The following MAL variants were observed in gnomAD, a reference collection of about 807,000 sequenced individuals.
The protein encoded by MAL is mal, T cell differentiation protein (MAL blood group), also known as myelin and lymphocyte protein.
A neutral mutation model predicts 16.7 loss-of-function variants in MAL; 5 were observed. The observed-to-expected ratio is 0.30, with a 90% CI of 0.16 to 0.63. The LOEUF is 0.63. Ranked by LOEUF, MAL falls within the 30% of genes least tolerant of loss-of-function variation. The pLI is 0.82. For synonymous variants in MAL, 96 were observed against 85.5 expected (o/e 1.12, Z -0.67); for missense variants, 202 against 195.8 (o/e 1.03, Z -0.19).
At chr2:95,042,944 G>A (rs1223107322) in intron 1 of MAL, among the ~76,000 whole-genome samples, 3 of 152,196 alleles carry the variant, frequency 2.0e-5, no homozygotes, top group Admixed American at 6.5e-5. Context: ...AGGTGGAGCA[G>A]GGCAGGAACC....
intron 1 of MAL, among the ~76,000 whole-genome samples, chr2:95,028,166 A>AAC (rs1002916443): frequency 2.7e-5 from 4 of 149,882 alleles, no homozygotes; most frequent in African/African-American, 9.7e-5. Flanking sequence ...AAAAAAAAAA[A>AAC]AAAAAAAAAA....
In MAL at chr2:95,053,639, T is replaced by G; in HGVS notation, c.*184T>G. ...TGGGTGCTGTGTTTACTCTCCCGTG[T>G]GCCTTCGCGTCCGGGTTGGGAGCTT... On this transcript the variant is annotated 3_prime_UTR_variant, in exon 4 of 4. Coordinates refer to ENST00000309988, the MANE Select transcript of MAL (RefSeq NM_002371.4). 1 of 595,392 alleles carries G rather than the reference T, an allele frequency of 1.7e-6. No individual in the cohort carries two copies. Among genetic ancestry groups the G allele is most frequent in the Non-Finnish European group, 3.0e-6 (1 of 336,468 alleles). The allele number at this position is 595,392 out of a possible 1,614,324, so 36.9% of individuals were successfully genotyped here. A position where few individuals can be genotyped will look rare whatever the true frequency, so the allele number is the denominator to read the frequency against.
At chr2:95,028,282 C>T (rs1429389699) in intron 1 of MAL, among the ~76,000 whole-genome samples, 2 of 151,880 alleles carry the variant, frequency 1.3e-5, no homozygotes, top group African/African-American at 4.8e-5. Context: ...GAGATCATGC[C>T]GCTGCACTCC....
At chr2:95,039,606 GAGTGAGTGAC>G (rs1674391095) in intron 1 of MAL, among the ~76,000 whole-genome samples, 1 of 151,604 alleles carries the variant, frequency 6.6e-6, no homozygotes, top group African/African-American at 2.4e-5. Context: ...GTGACTGAGT[GAGTGAGTGAC>G]AGTGGGTGAG....
At chr2:95,042,599 C>T (rs2104351843) in intron 1 of MAL, among the ~76,000 whole-genome samples, 1 of 152,324 alleles carries the variant, frequency 6.6e-6, no homozygotes, top group East Asian at 1.9e-4. Flanking sequence ...TGTCCCATCT[C>T]TATTTTGATG....
At position 95,053,755 on chromosome 2, in the gene MAL, G is replaced by A. The variant is rs930645606; in HGVS notation, c.*300G>A. On this transcript the variant is annotated 3_prime_UTR_variant, in exon 4 of 4. Coordinates refer to ENST00000309988, the MANE Select transcript of MAL (RefSeq NM_002371.4). Reference sequence around the variant, plus strand: ...TTCTTGTTCGGGGGTGGGAAGTGGCGACCGTGACCTGAGAAGGAAAGAAAG... The same window carrying A: ...TTCTTGTTCGGGGGTGGGAAGTGGCAACCGTGACCTGAGAAGGAAAGAAAG... 5.3e-5 allele frequency: 20 copies of A among 375,716 alleles called. No individual in the cohort carries two copies. Among genetic ancestry groups the A allele is most frequent in the African/African-American group, 1.8e-4 (9 of 49,822 alleles). The allele number at this position is 375,716 out of a possible 1,614,324, so 23.3% of individuals were successfully genotyped here.
At chr2:95,031,498 G>A (rs1220812357) in intron 1 of MAL, among the ~76,000 whole-genome samples, 5 of 152,188 alleles carry the variant, frequency 3.3e-5, no homozygotes, top group Non-Finnish European at 7.4e-5. Context: ...CGGACATCTC[G>A]AGGCCAGGCC....
intron 1 of MAL, among the ~76,000 whole-genome samples, chr2:95,032,565 A>G (rs1181585897): frequency 1.3e-5 from 2 of 152,154 alleles, no homozygotes; most frequent in Non-Finnish European, 2.9e-5. Context: ...GGGTGTGAGG[A>G]CAGTGGGGGA....
At chr2:95,046,274 C>T (rs1674583275) in intron 1 of MAL, among the ~76,000 whole-genome samples, 1 of 152,050 alleles carries the variant, frequency 6.6e-6, no homozygotes, top group Non-Finnish European at 1.5e-5. Context: ...CCATCCTCAG[C>T]CCCCCAGACA....
intron 1 of MAL, chr2:95,044,408 A>T (rs1296004041): frequency 6.6e-6 from 1 of 152,246 alleles, no homozygotes; most frequent in African/African-American, 2.4e-5. Context: ...GCTGTGAATT[A>T]TAGCTCATAA....
intron 1 of MAL, among the ~76,000 whole-genome samples, chr2:95,033,795 G>A (rs1215770846): frequency 6.6e-6 from 1 of 151,976 alleles, no homozygotes; most frequent in African/African-American, 2.4e-5. Context: ...AAAATCTCAT[G>A]GCCATTTCCA....
At chr2:95,028,940 G>T (rs1164527049) in intron 1 of MAL, among the ~76,000 whole-genome samples, 2 of 152,156 alleles carry the variant, frequency 1.3e-5, no homozygotes, top group African/African-American at 2.4e-5. Context: ...CTTTTTGGGG[G>T]TAATGAAAAT....
chr2:95,048,771 C>T (rs1281426105), intron 2 of MAL, among the ~76,000 whole-genome samples: 1 of 152,238 alleles, frequency 6.6e-6, no homozygotes, highest in Non-Finnish European at 1.5e-5. Flanking sequence ...AAATCACTTC[C>T]AAATCACAAC....
At chr2:95,048,492 A>G (rs1674640895) in intron 2 of MAL, among the ~76,000 whole-genome samples, 1 of 152,130 alleles carries the variant, frequency 6.6e-6, no homozygotes, top group African/African-American at 2.4e-5. Context: ...AGGCCGACCA[A>G]GGTGTTGGGC....
At chr2:95,049,507 G>A in intron 2 of MAL, 74 bp from the exon 3 acceptor site, 1 of 1,575,672 alleles carries the variant, frequency 6.3e-7, no homozygotes. Flanking sequence ...GGGCGGGGGT[G>A]GAGGGGACCT....
At chr2:95,030,508 A>G (rs1342487799) in intron 1 of MAL, among the ~76,000 whole-genome samples, 4 of 152,214 alleles carry the variant, frequency 2.6e-5, no homozygotes, top group African/African-American at 9.6e-5. Context: ...AGGGAATGAA[A>G]GGTTCACAGG....
chr2:95,039,108 G>A (rs903308304), intron 1 of MAL, among the ~76,000 whole-genome samples: 4 of 44,056 alleles, frequency 9.1e-5, no homozygotes, highest in African/African-American at 2.8e-4. Flanking sequence ...GAGTGAGTAA[G>A]TGTCTGAGTG....
At chr2:95,047,620 C>T (rs1252182038) in intron 1 of MAL, among the ~76,000 whole-genome samples, 7 of 152,150 alleles carry the variant, frequency 4.6e-5, no homozygotes, top group Non-Finnish European at 1.0e-4. Flanking sequence ...ACTCAGGAAG[C>T]TGAGGCATGA....
intron 1 of MAL, among the ~76,000 whole-genome samples, chr2:95,032,901 C>G (rs1316873): frequency 0.12 from 18,764 of 152,202 alleles, 1,536 homozygotes; most frequent in Admixed American, 0.27. Flanking sequence ...TTGGGTGAAT[C>G]ATTTTAATGT....
Sources: allele counts gnomAD v4.1 joint callset (sites outside exome capture counted in the v4.1 genomes callset), GRCh38; gene constraint gnomAD v4.1.1; transcripts MANE v1.5; gene names NCBI Gene and HGNC (gene_info 2026-07-23, HGNC 2026-07-21).